Variants in ELMOD3 observed in about 807,000 individuals in gnomAD.
ELMOD3 encodes ELMO domain-containing protein 3.
In ELMOD3, 36 loss-of-function variants were observed where a neutral mutation model predicts 47.4. The ratio of observed to expected loss-of-function variants is 0.76; its 90% confidence interval spans 0.58 to 1.00. The LOEUF is 1.00. Among genes scored for constraint, ELMOD3 ranks in the 50% least tolerant of loss-of-function variants. ELMOD3 has a pLI of 0.00. For missense variants in ELMOD3, 404 were observed against 463.8 expected, an observed-to-expected ratio of 0.87 and a Z score of 1.18; for synonymous variants, 149 against 183.5, an observed-to-expected ratio of 0.81 and a Z score of 1.52.
At chr2:85,364,582 C>CAA (rs754211534) in intron 6 of ELMOD3, among the ~76,000 whole-genome samples, 4 of 124,760 alleles carry the variant, frequency 3.2e-5, no homozygotes, top group Admixed American at 8.4e-5. Context: ...GACTCCATCT[C>CAA]AAAAAAAAAA....
chr2:85,371,416 G>C (rs369642265), intron 9 of ELMOD3, 24 bp from the exon 10 acceptor site: 12 of 1,613,816 alleles, frequency 7.4e-6, no homozygotes, highest in South Asian at 1.1e-5. Context: ...ATCTGGCAGA[G>C]AGTGTGGGTG....
In ELMOD3 at chr2:85,389,791, T is replaced by C; in HGVS notation, c.779T>C (p.Ile260Thr). 1 of 1,614,166 alleles carries C rather than the reference T, an allele frequency of 6.2e-7. No homozygotes were observed. The highest frequency in any genetic ancestry group is 8.5e-7 in the Non-Finnish European group (1 of 1,180,024). The change falls in exon 12 of 14, where the codon ATT (isoleucine) becomes ACT (threonine). Residue 260 changes from isoleucine (I) to threonine (T), a missense_variant. Ile to Thr is a moderately conservative substitution (Grantham distance 89). Coordinates refer to ENST00000409013, the MANE Select transcript of ELMOD3 (RefSeq NM_001135022.2). ...FCLMSVNITH[I>T]AIQALREECL... ...TTGATGTCCGTGAACATCACCCACA[T>C]TGCCATCCAGGCCTTGAGAGAGGAG...
Position 85,390,427 on chromosome 2 carries a change from G to A in ELMOD3, c.943+162G>A. On this transcript the variant is annotated intron_variant, in intron 13 of 13. Transcript: ENST00000409013. The stretch of plus-strand genomic sequence containing the variant: ...CTCCATCACCCACCCCCTGGAGTCT[G>A]CTAGTTCTCCTTTCTCTGCCCTGAC... 6.2e-7 allele frequency: 1 copy of A among 1,614,158 alleles called. No homozygotes were observed. Among genetic ancestry groups the A allele is most frequent in the Non-Finnish European group, 8.5e-7 (1 of 1,180,030 alleles).
intron 8 of ELMOD3, 136 bp downstream of exon 8, chr2:85,369,966 A>G (rs1261815384): frequency 9.2e-7 from 1 of 1,081,928 alleles, no homozygotes; most frequent in Non-Finnish European, 1.3e-6. Flanking sequence ...TGGGTGGCCT[A>G]GGACCCATGC....
At chr2:85,361,345 AC>A (rs1683943147) in intron 4 of ELMOD3, among the ~76,000 whole-genome samples, 1 of 152,230 alleles carries the variant, frequency 6.6e-6, no homozygotes, top group Non-Finnish European at 1.5e-5. Flanking sequence ...TTTTGAGATA[AC>A]ATTAATTAAG....
At chr2:85,357,310 A>G in intron 4 of ELMOD3, 58 bp downstream of exon 4, 1 of 1,095,350 alleles carries the variant, frequency 9.1e-7, no homozygotes, top group Non-Finnish European at 1.4e-6. Context: ...ATCATTAAGT[A>G]TAGTAAGAAT....
At chr2:85,385,181 G>T (rs1479448285) in intron 11 of ELMOD3, among the ~76,000 whole-genome samples, 1 of 152,168 alleles carries the variant, frequency 6.6e-6, no homozygotes, top group Non-Finnish European at 1.5e-5. Flanking sequence ...TAGAACTAAG[G>T]TCTCAAGAAA....
intron 12 of ELMOD3, 66 bp downstream of exon 12, chr2:85,389,893 T>A: frequency 6.8e-7 from 1 of 1,463,356 alleles, no homozygotes; most frequent in Non-Finnish European, 9.6e-7. Flanking sequence ...CACTCTGGCT[T>A]AATTTTCCCC....
At chr2:85,388,380 G>A (rs1331228989) in intron 11 of ELMOD3, among the ~76,000 whole-genome samples, 1 of 152,206 alleles carries the variant, frequency 6.6e-6, no homozygotes, top group African/African-American at 2.4e-5. Context: ...GCCATGGCCT[G>A]ATCTAAGAAT....
At chr2:85,381,844 G>A (rs1022286512) in intron 11 of ELMOD3, among the ~76,000 whole-genome samples, 4 of 152,038 alleles carry the variant, frequency 2.6e-5, no homozygotes, top group African/African-American at 4.8e-5. Flanking sequence ...TGGGCTGGGC[G>A]CGGTGGCTCA....
At chr2:85,363,384 C>T (rs116769170) in intron 6 of ELMOD3, among the ~76,000 whole-genome samples, 1 of 152,170 alleles carries the variant, frequency 6.6e-6, no homozygotes, top group Non-Finnish European at 1.5e-5. Context: ...TGCCTCTGGG[C>T]AAGCCATATG....
intron 2 of ELMOD3, 58 bp downstream of exon 2, chr2:85,355,228 C>T (rs1238629660): frequency 6.6e-6 from 1 of 152,242 alleles, no homozygotes; most frequent in Non-Finnish European, 1.5e-5. Flanking sequence ...TGGGGGCCCG[C>T]CTGGGACGGA....
chr2:85,378,721 A>ATTT (rs770338850), intron 11 of ELMOD3, among the ~76,000 whole-genome samples: 3 of 152,138 alleles, frequency 2.0e-5, no homozygotes, highest in Non-Finnish European at 2.9e-5. Context: ...TAGCTTAGTG[A>ATTT]TTTTGGGGGC....
intron 11 of ELMOD3, among the ~76,000 whole-genome samples, chr2:85,387,697 T>TG (rs1366981608): frequency 6.6e-6 from 1 of 150,580 alleles, no homozygotes; most frequent in African/African-American, 2.5e-5. Context: ...ATCTGTCTCT[T>TG]GGAGTTGTTG....
rs534179770 is a variant in ELMOD3, at chr2:85,359,558, C to T, written c.54+2306C>T. ...GAGTAGCTGGGATCACAGGTGTGCA[C>T]CACCACGCCCGGTGTGCTAAAAATA... On this transcript the variant is annotated intron_variant, in intron 4 of 13. Coordinates refer to ENST00000409013, the MANE Select transcript of ELMOD3 (RefSeq NM_001135022.2). Among the ~76,000 whole-genome samples, 10 of 151,948 alleles carry T rather than the reference C, an allele frequency of 6.6e-5. No homozygotes were observed. The East Asian group carries it at 1.4e-3, about 21-fold the overall frequency.
Position 85,371,085 on chromosome 2 carries a change from G to A in ELMOD3, c.361-1G>A, listed in dbSNP as rs1217078323. 6 of 1,613,702 alleles carry A rather than the reference G, an allele frequency of 3.7e-6. No individual in the cohort carries two copies. Among genetic ancestry groups the A allele is most frequent in the Non-Finnish European group, 4.2e-6 (5 of 1,179,662 alleles). ...CCCATTGCCTGCAACTTCTTCCCCA[G>A]AAAAGAATCCAGCCAACTATTCGAA... On this transcript the variant is annotated splice_acceptor_variant, in intron 8 of 13. Coordinates refer to ENST00000409013, the MANE Select transcript of ELMOD3 (RefSeq NM_001135022.2). LOFTEE classifies it high-confidence loss of function.
chr2:85,381,110 G>A (rs1042847172), intron 11 of ELMOD3, among the ~76,000 whole-genome samples: 1 of 152,070 alleles, frequency 6.6e-6, no homozygotes, highest in Non-Finnish European at 1.5e-5. Flanking sequence ...TTTCATATTT[G>A]ACAATGCTTC....
chr2:85,371,649 A>G, intron 10 of ELMOD3, 87 bp downstream of exon 10: 3 of 1,556,076 alleles, frequency 1.9e-6, no homozygotes, highest in South Asian at 1.2e-5. Flanking sequence ...TTCCAGTGCT[A>G]TGAGGGGGAA....
In ELMOD3 at chr2:85,357,179, T is replaced by C. The variant is rs1389179072; in HGVS notation, c.-20T>C. The stretch of plus-strand genomic sequence containing the variant: ...TCTGGGCCCAAGGACAAAGCTCACA[T>C]GAACAAATGATTTTGAGTCATGAAT... On this transcript the variant is annotated 5_prime_UTR_variant, in exon 4 of 14. The change abolishes an upstream ATG in the 5' untranslated region. Transcript: ENST00000409013. The C allele has an allele frequency of 1.3e-6, 2 of 1,595,096 alleles. No individual in the cohort carries two copies.
Sources: allele counts gnomAD v4.1 joint callset (sites outside exome capture counted in the v4.1 genomes callset), GRCh38; gene constraint gnomAD v4.1.1; transcripts MANE v1.5; gene names NCBI Gene and HGNC (gene_info 2026-07-23, HGNC 2026-07-21).